VDR: variants seen among roughly 807,000 people sequenced by gnomAD.
VDR encodes the protein vitamin D receptor.
A neutral mutation model predicts 39.7 loss-of-function variants in VDR; 19 were observed. That is an observed-to-expected ratio of 0.48 (90% CI 0.33 to 0.70). The LOEUF (loss-of-function observed/expected upper bound fraction) is 0.70, where lower values mean the gene tolerates loss of function less well. Among genes scored for constraint, VDR ranks in the 30% least tolerant of loss-of-function variants. The pLI is 0.02. For missense variants in VDR, 442 were observed against 570.5 expected (o/e 0.77, Z 2.29); for synonymous variants, 242 against 215.8 (o/e 1.12, Z -1.07).
intron 7 of VDR, among the ~76,000 whole-genome samples, chr12:47,848,697 G>T (rs560438918): frequency 1.0e-3 from 156 of 151,154 alleles, no homozygotes; most frequent in Non-Finnish European, 2.0e-3. Context: ...CTCCTGAGTA[G>T]CTGGGATTAG....
intron 1 of VDR, among the ~76,000 whole-genome samples, chr12:47,894,796 G>A (rs1946436667): frequency 6.6e-6 from 1 of 152,198 alleles, no homozygotes; most frequent in Admixed American, 6.5e-5. Context: ...CCCTTCCCAT[G>A]TCCACTCCCT....
intron 4 of VDR, among the ~76,000 whole-genome samples, chr12:47,860,096 T>C (rs1324773576): frequency 6.6e-6 from 1 of 152,048 alleles, no homozygotes; most frequent in Non-Finnish European, 1.5e-5. Flanking sequence ...ACAGAGTACC[T>C]GGGCTTATAG....
intron 4 of VDR, among the ~76,000 whole-genome samples, chr12:47,864,606 C>T (rs758244711): frequency 2.0e-5 from 3 of 152,218 alleles, no homozygotes; most frequent in Non-Finnish European, 2.9e-5. Flanking sequence ...CCTTCCTAAC[C>T]CACATCAGCC....
At chr12:47,872,529 G>T (rs1057023250) in intron 3 of VDR, among the ~76,000 whole-genome samples, 1 of 152,202 alleles carries the variant, frequency 6.6e-6, no homozygotes, top group African/African-American at 2.4e-5. Context: ...CCATATTTCT[G>T]TTTCATGTGC....
intron 4 of VDR, among the ~76,000 whole-genome samples, chr12:47,863,102 C>T (rs963642397): frequency 1.3e-5 from 2 of 152,128 alleles, no homozygotes; most frequent in South Asian, 2.1e-4. Context: ...GTTCCCACCA[C>T]GTGGTAGGGT....
chr12:47,904,463 A>G, intron 1 of VDR: 1 of 91,596 alleles, frequency 1.1e-5, no homozygotes, highest in Non-Finnish European at 1.7e-5. Context: ...AAAGAAAAGT[A>G]AAAAAAAAAA....
At chr12:47,903,514 G>C (rs182635907) in intron 1 of VDR, among the ~76,000 whole-genome samples, 186 of 152,338 alleles carry the variant, frequency 1.2e-3, no homozygotes, top group Non-Finnish European at 1.1e-3. Context: ...CCAGCACTTG[G>C]ACAGGGAAGG....
intron 1 of VDR, among the ~76,000 whole-genome samples, chr12:47,899,196 T>A (rs752829572): frequency 4.5e-4 from 68 of 152,064 alleles, no homozygotes; most frequent in Admixed American, 2.6e-3. Context: ...CATTCCTGAG[T>A]TCTAAACGGG....
At chr12:47,892,719 G>T (rs529652273) in intron 1 of VDR, among the ~76,000 whole-genome samples, 5 of 152,274 alleles carry the variant, frequency 3.3e-5, no homozygotes, top group African/African-American at 9.6e-5. Flanking sequence ...GCGGGTTGGG[G>T]GGTGGGGATG....
At chr12:47,846,574 T>C in intron 8 of VDR, 83 bp downstream of exon 8, 1 of 1,592,822 alleles carries the variant, frequency 6.3e-7, no homozygotes, top group Non-Finnish European at 8.6e-7. Flanking sequence ...CCCATGTATC[T>C]GATTGGAGCC....
At chr12:47,878,114 G>C (rs1946044910) in intron 3 of VDR, among the ~76,000 whole-genome samples, 3 of 152,158 alleles carry the variant, frequency 2.0e-5, no homozygotes, top group Admixed American at 6.5e-5. Flanking sequence ...GACTTGATTT[G>C]TGCTTTCCTC....
intron 4 of VDR, among the ~76,000 whole-genome samples, chr12:47,858,818 CTT>C (rs1945550236): frequency 6.6e-6 from 1 of 152,214 alleles, no homozygotes; most frequent in Non-Finnish European, 1.5e-5. Flanking sequence ...GAGTTCCAGG[CTT>C]TGAGAAAGGT....
intron 1 of VDR, 121 bp from the exon 2 acceptor site, chr12:47,882,895 A>G: frequency 1.4e-6 from 1 of 739,632 alleles, no homozygotes; most frequent in Non-Finnish European, 2.2e-6. Flanking sequence ...CAGTGACTGC[A>G]AACAGAAGTG....
Position 47,882,705 on chromosome 12 carries a change from G to A in VDR, c.-14C>T. The stretch of plus-strand genomic sequence containing the variant: ...GAGGAAACACCTACCTGAAGGAGCA[G>A]GGGGCAGGTAAGTGGAGCCCAGGGG... On this transcript the variant is annotated 5_prime_UTR_variant, in exon 2 of 10. Transcript: ENST00000549336. 2.7e-6 allele frequency: 4 copies of A among 1,496,732 alleles called. No individual in the cohort carries two copies. Among genetic ancestry groups the A allele is most frequent in the Non-Finnish European group, 3.6e-6 (4 of 1,125,072 alleles). The allele number at this position is 1,496,732 out of a possible 1,614,324, so 92.7% of individuals were successfully genotyped here. A position where few individuals can be genotyped will look rare whatever the true frequency, so the allele number is the denominator to read the frequency against.
chr12:47,848,555 CTTTTTTTTTTTT>C (rs1162881183), intron 7 of VDR, among the ~76,000 whole-genome samples: 6 of 58,114 alleles, frequency 1.0e-4, no homozygotes, highest in East Asian at 6.5e-4. Flanking sequence ...TTTTCTACTC[CTTTTTTTTTTTT>C]TTTTTTTTTT....
chr12:47,871,883 C>A (rs1041350471), intron 3 of VDR, among the ~76,000 whole-genome samples: 6 of 152,192 alleles, frequency 3.9e-5, no homozygotes, highest in African/African-American at 1.4e-4. Flanking sequence ...CAGATAAAAC[C>A]AAGATGCAGA....
intron 1 of VDR, among the ~76,000 whole-genome samples, chr12:47,903,907 T>C (rs1388397339): frequency 6.6e-6 from 1 of 152,196 alleles, no homozygotes; most frequent in Non-Finnish European, 1.5e-5. Context: ...GTTGGGTATC[T>C]GAGCCCCTGC....
At chr12:47,857,796 G>C in intron 4 of VDR, 108 bp from the exon 5 acceptor site, 1 of 1,282,522 alleles carries the variant, frequency 7.8e-7, no homozygotes, top group Non-Finnish European at 1.1e-6. Flanking sequence ...TTTAACACTC[G>C]GGGCTCCCTC....
chr12:47,846,255 C>G (rs1328320707), intron 9 of VDR, 80 bp downstream of exon 9: 2 of 1,294,230 alleles, frequency 1.5e-6, no homozygotes, highest in Admixed American at 3.5e-5. Flanking sequence ...TCAGGTTGCC[C>G]AGCTGGCCCT....
Sources: allele counts gnomAD v4.1 joint callset (sites outside exome capture counted in the v4.1 genomes callset), GRCh38; gene constraint gnomAD v4.1.1; transcripts MANE v1.5; gene names NCBI Gene and HGNC (gene_info 2026-07-23, HGNC 2026-07-21).